The following ADAMTS17 variants were observed in gnomAD, a reference collection of about 807,000 sequenced individuals.
ADAMTS17 encodes A disintegrin and metalloproteinase with thrombospondin motifs 17.
Under a neutral mutation model 141.5 loss-of-function variants are expected in ADAMTS17, and 113 were observed. The ratio of observed to expected loss-of-function variants is 0.80; its 90% CI spans 0.69 to 0.93. The LOEUF is 0.93. ADAMTS17 is among the 40% of genes least tolerant of loss of function. The pLI is 0.00. For synonymous variants in ADAMTS17, 768 were observed against 630.6 expected, an observed-to-expected ratio of 1.22 and a Z score of -3.27; for missense variants, 1,659 against 1,517.9, an observed-to-expected ratio of 1.09 and a Z score of -1.54.
chr15:100,249,078 C>T (rs781774272), intron 7 of ADAMTS17, among the ~76,000 whole-genome samples: 1 of 152,004 alleles, frequency 6.6e-6, no homozygotes, highest in Non-Finnish European at 1.5e-5. Flanking sequence ...GGATTACAGG[C>T]GTCAGCCACC....
chr15:100,051,741 C>T lies in ADAMTS17; in HGVS notation c.2296-10G>A, dbSNP rs770809456. ...CGTGAAATAACAACACCTGGATCAG[C>T]CGCAAAACAAAAGGCCATTTTGAAA... is the stretch of plus-strand genomic sequence containing the variant. On this transcript the variant is annotated splice_polypyrimidine_tract_variant and intron_variant, in intron 16 of 21. Transcript: ENST00000268070. The T allele has an allele frequency of 1.2e-6, 2 of 1,614,156 alleles. No individual in the cohort carries two copies. Among genetic ancestry groups the T allele is most frequent in the Non-Finnish European group, 1.7e-6 (2 of 1,180,020 alleles).
At chr15:100,270,848 T>C (rs1357430468) in intron 4 of ADAMTS17, among the ~76,000 whole-genome samples, 1 of 139,898 alleles carries the variant, frequency 7.1e-6, no homozygotes, top group African/African-American at 2.7e-5. Flanking sequence ...CACTACTACC[T>C]ATCCCCAAAA....
chr15:100,211,507 G>GAAA (rs993636497), intron 7 of ADAMTS17, among the ~76,000 whole-genome samples: 14 of 152,204 alleles, frequency 9.2e-5, no homozygotes, highest in African/African-American at 3.4e-4. Flanking sequence ...CACAAGAATG[G>GAAA]AAACAACTTC....
At chr15:99,988,189 C>T (rs908946105) in intron 20 of ADAMTS17, among the ~76,000 whole-genome samples, 46 of 152,124 alleles carry the variant, frequency 3.0e-4, no homozygotes, top group African/African-American at 1.1e-3. Flanking sequence ...CGAAATGTGT[C>T]CCCCAACGTT....
intron 4 of ADAMTS17, among the ~76,000 whole-genome samples, chr15:100,280,024 T>C (rs564698265): frequency 3.9e-5 from 6 of 152,112 alleles, no homozygotes; most frequent in Non-Finnish European, 5.9e-5. Flanking sequence ...TGGGCTGTCT[T>C]TGGACAGCTT....
chr15:100,245,790 T>C (rs2042968223), intron 7 of ADAMTS17, among the ~76,000 whole-genome samples: 1 of 152,150 alleles, frequency 6.6e-6, no homozygotes, highest in Non-Finnish European at 1.5e-5. Flanking sequence ...TTTGTAGGCA[T>C]AGATGGAGCC....
intron 3 of ADAMTS17, among the ~76,000 whole-genome samples, chr15:100,299,264 G>A (rs1269853189): frequency 6.6e-6 from 1 of 151,818 alleles, no homozygotes; most frequent in Admixed American, 6.6e-5. Flanking sequence ...GGATGAGGCA[G>A]GCCACCTTTG....
At chr15:100,062,763 G>C (rs1371235542) in intron 15 of ADAMTS17, among the ~76,000 whole-genome samples, 2 of 152,192 alleles carry the variant, frequency 1.3e-5, no homozygotes, top group African/African-American at 4.8e-5. Flanking sequence ...AACACAGGCT[G>C]AGAGATGATG....
At chr15:100,198,977 A>G (rs990618167) in intron 8 of ADAMTS17, among the ~76,000 whole-genome samples, 4 of 152,250 alleles carry the variant, frequency 2.6e-5, no homozygotes, top group Non-Finnish European at 5.9e-5. Flanking sequence ...GCATCCCATT[A>G]TGTGAATAAT....
chr15:100,296,077 G>T (rs1294267570), intron 3 of ADAMTS17, among the ~76,000 whole-genome samples: 1 of 152,064 alleles, frequency 6.6e-6, no homozygotes, highest in African/African-American at 2.4e-5. Context: ...CCACATCTAA[G>T]AACCTGGGGA....
intron 21 of ADAMTS17, among the ~76,000 whole-genome samples, chr15:99,974,917 T>C (rs2060289976): frequency 6.6e-6 from 1 of 152,182 alleles, no homozygotes; most frequent in Non-Finnish European, 1.5e-5. Flanking sequence ...CATGGAACAG[T>C]GGACATCAAA....
At chr15:100,173,652 G>A (rs1441758599) in intron 8 of ADAMTS17, among the ~76,000 whole-genome samples, 1 of 152,200 alleles carries the variant, frequency 6.6e-6, no homozygotes. Flanking sequence ...CTTATTCACT[G>A]GACTCTGCAA....
chr15:100,267,139 T>C (rs11634485), intron 4 of ADAMTS17, among the ~76,000 whole-genome samples: 88,572 of 151,620 alleles, frequency 0.58, 26,521 homozygotes, highest in East Asian at 0.79. Flanking sequence ...TCTATACTCA[T>C]GAAACACTAA....
chr15:100,335,397 C>G (rs1292452097), intron 2 of ADAMTS17, among the ~76,000 whole-genome samples: 3 of 152,180 alleles, frequency 2.0e-5, no homozygotes, highest in African/African-American at 7.2e-5. Context: ...TTTTCAGTCA[C>G]TCACTTCTCC....
intron 19 of ADAMTS17, among the ~76,000 whole-genome samples, chr15:99,995,052 C>T (rs1439009460): frequency 6.6e-6 from 1 of 152,134 alleles, no homozygotes; most frequent in African/African-American, 2.4e-5. Flanking sequence ...TGCCAGGGGT[C>T]CGTCCATGGT....
chr15:100,082,923 G>A (rs774194049), intron 15 of ADAMTS17, among the ~76,000 whole-genome samples: 1 of 152,044 alleles, frequency 6.6e-6, no homozygotes, highest in Non-Finnish European at 1.5e-5. Context: ...GGGAGCTGTT[G>A]CTGTGTTGGC....
Position 100,279,992 on chromosome 15 carries a change from C to A in ADAMTS17, c.789+1237G>T, listed in dbSNP as rs188483512. Among the ~76,000 whole-genome samples, 24 of 152,044 alleles carry A rather than the reference C, an allele frequency of 1.6e-4. No individual in the cohort carries two copies. The East Asian group carries it at 3.7e-3, about 23-fold the overall frequency. On this transcript the variant is annotated intron_variant, in intron 4 of 21. Transcript: ENST00000268070. ...ACCTCCTCCCAGGTCGTTGCCCCATCCCCCCCAGGGCTGGTGCTCCATGGG... is the reference window on the plus strand; with the variant it reads ...ACCTCCTCCCAGGTCGTTGCCCCATACCCCCCAGGGCTGGTGCTCCATGGG...
At chr15:100,297,097 A>G (rs369417246) in intron 3 of ADAMTS17, among the ~76,000 whole-genome samples, 5 of 152,178 alleles carry the variant, frequency 3.3e-5, no homozygotes, top group Non-Finnish European at 5.9e-5. Context: ...GGTTGGAAAG[A>G]TAAGTAGGAG....
intron 15 of ADAMTS17, among the ~76,000 whole-genome samples, chr15:100,091,277 T>C (rs2035454899): frequency 6.6e-6 from 1 of 152,010 alleles, no homozygotes; most frequent in Admixed American, 6.6e-5. Context: ...TGCCGAAGCA[T>C]GAAGAATAAT....
Sources: gnomAD v4.1 joint callset for allele counts (sites outside exome capture counted in the v4.1 genomes callset) on GRCh38, gnomAD v4.1.1 for gene constraint, MANE v1.5 for transcripts, NCBI Gene and HGNC (gene_info 2026-07-23, HGNC 2026-07-21) for gene names.